The following IGF2BP2 variants were observed in gnomAD, a reference collection of about 807,000 sequenced individuals.
The protein encoded by IGF2BP2 is insulin like growth factor 2 mRNA binding protein 2.
In IGF2BP2, 17 loss-of-function variants were observed where a neutral mutation model predicts 75.8. That is an observed-to-expected ratio of 0.22 (90% CI 0.15 to 0.34). IGF2BP2 has a LOEUF of 0.34. IGF2BP2 is among the 10% of genes least tolerant of loss of function. The probability of loss-of-function intolerance (pLI) is 1.00; values close to 1 mark genes in which losing one functional copy is unlikely to be tolerated. For missense variants in IGF2BP2, 516 were observed against 772.4 expected, an observed-to-expected ratio of 0.67 and a Z score of 3.93; for synonymous variants, 288 against 295.6, an observed-to-expected ratio of 0.97 and a Z score of 0.26.
rs1715772409 is a variant in IGF2BP2, at chr3:185,658,206, G to A, written c.1269+135C>T. The stretch of plus-strand genomic sequence containing the variant: ...GGAGTTTGGCGTGCTCAGGCTTTGA[G>A]GTGTGTCACTCCCAGGACAAACCAG... On this transcript the variant is annotated intron_variant, in intron 11 of 15. Coordinates refer to ENST00000382199, the MANE Select transcript of IGF2BP2 (RefSeq NM_006548.6). 3 of 846,626 alleles carry A rather than the reference G, an allele frequency of 3.5e-6. No homozygotes were observed. In the Admixed American group the frequency reaches 5.9e-5, roughly 17 times the overall value. 52.4% of individuals were successfully genotyped at this position (846,626 alleles called of 1,614,324 possible). A position where few individuals can be genotyped will look rare whatever the true frequency, so the allele number is the denominator to read the frequency against.
At chr3:185,824,377 G>GAAGGGGGGACCCTGACA (rs1741765701) in intron 1 of IGF2BP2, among the ~76,000 whole-genome samples, 1 of 149,672 alleles carries the variant, frequency 6.7e-6, no homozygotes, top group Admixed American at 6.7e-5. Context: ...TGGATTTGGG[G>GAAGGGGGGACCCTGACA]AAGGGGGGAC....
At chr3:185,721,040 A>G (rs571204816) in intron 2 of IGF2BP2, among the ~76,000 whole-genome samples, 1 of 152,344 alleles carries the variant, frequency 6.6e-6, no homozygotes, top group Non-Finnish European at 1.5e-5. Flanking sequence ...GATGTCAGGA[A>G]GCACTCATAA....
At chr3:185,754,363 C>A (rs748022378) in intron 2 of IGF2BP2, among the ~76,000 whole-genome samples, 1 of 152,114 alleles carries the variant, frequency 6.6e-6, no homozygotes. Flanking sequence ...ACCACGATTT[C>A]TGTACAGACT....
intron 6 of IGF2BP2, among the ~76,000 whole-genome samples, chr3:185,687,641 T>C (rs979078481): frequency 3.3e-5 from 5 of 152,214 alleles, no homozygotes; most frequent in Admixed American, 6.5e-5. Flanking sequence ...GCTTTATATA[T>C]TTGAGTGTGG....
At chr3:185,790,027 C>A (rs530825250) in intron 2 of IGF2BP2, among the ~76,000 whole-genome samples, 1 of 152,276 alleles carries the variant, frequency 6.6e-6, no homozygotes, top group Middle Eastern at 3.4e-3. Flanking sequence ...AGCCACTGTG[C>A]CCAGCTGCAA....
chr3:185,667,068 C>T (rs186729037), intron 10 of IGF2BP2, among the ~76,000 whole-genome samples: 52 of 152,098 alleles, frequency 3.4e-4, no homozygotes, highest in East Asian at 1.2e-3. Flanking sequence ...CAGAGACAAA[C>T]GGAAGGGAAT....
intron 2 of IGF2BP2, among the ~76,000 whole-genome samples, chr3:185,739,806 A>C (rs1289996254): frequency 3.3e-5 from 5 of 152,222 alleles, no homozygotes; most frequent in Non-Finnish European, 4.4e-5. Flanking sequence ...ATCTTTATTA[A>C]AAATAAATAT....
intron 2 of IGF2BP2, among the ~76,000 whole-genome samples, chr3:185,821,615 CAACT>C (rs1277967446): frequency 2.0e-5 from 3 of 151,844 alleles, no homozygotes; most frequent in African/African-American, 7.3e-5. Context: ...AATGAGACAC[CAACT>C]AAGATAAAAT....
intron 2 of IGF2BP2, among the ~76,000 whole-genome samples, chr3:185,759,361 T>C (rs913708957): frequency 2.0e-5 from 3 of 152,210 alleles, no homozygotes; most frequent in Non-Finnish European, 4.4e-5. Context: ...GTGCATAGAT[T>C]AGTTGAATGT....
chr3:185,788,547 A>ATTC, intron 2 of IGF2BP2, among the ~76,000 whole-genome samples: 1 of 152,184 alleles, frequency 6.6e-6, no homozygotes, highest in East Asian at 1.9e-4. Context: ...GTATGTTTCA[A>ATTC]TGCCTTGATA....
intron 2 of IGF2BP2, among the ~76,000 whole-genome samples, chr3:185,799,433 CAGTT>C (rs1455894645): frequency 2.0e-5 from 3 of 151,842 alleles, no homozygotes; most frequent in African/African-American, 7.3e-5. Flanking sequence ...CATCTCACGC[CAGTT>C]AGAATGGTGA....
At chr3:185,768,136 G>A (rs1255631888) in intron 2 of IGF2BP2, among the ~76,000 whole-genome samples, 1 of 152,288 alleles carries the variant, frequency 6.6e-6, no homozygotes, top group East Asian at 1.9e-4. Flanking sequence ...ATGATTGAGG[G>A]AAAAGAGACA....
chr3:185,797,625 C>T (rs1194339663), intron 2 of IGF2BP2, among the ~76,000 whole-genome samples: 2 of 152,126 alleles, frequency 1.3e-5, no homozygotes, highest in Non-Finnish European at 2.9e-5. Flanking sequence ...TTTCACAGGC[C>T]AGGAGCAGTG....
chr3:185,665,206 A>G (rs1360485170), intron 10 of IGF2BP2, among the ~76,000 whole-genome samples: 3 of 145,566 alleles, frequency 2.1e-5, no homozygotes, highest in Non-Finnish European at 3.0e-5. Context: ...GAAGGAGAAG[A>G]AGGAGAAGGA....
intron 2 of IGF2BP2, among the ~76,000 whole-genome samples, chr3:185,771,126 G>C (rs544028860): frequency 2.0e-5 from 3 of 152,212 alleles, no homozygotes; most frequent in African/African-American, 7.2e-5. Context: ...GAGGGACAAG[G>C]AGGCCTACAA....
At chr3:185,716,348 T>C (rs186878867) in intron 2 of IGF2BP2, 8 of 418,014 alleles carry the variant, frequency 1.9e-5, no homozygotes, top group African/African-American at 1.6e-4. Flanking sequence ...CGTAACTGAT[T>C]TGCCTTTTGG....
intron 2 of IGF2BP2, among the ~76,000 whole-genome samples, chr3:185,733,487 T>C (rs1411629552): frequency 1.3e-5 from 2 of 152,188 alleles, no homozygotes; most frequent in African/African-American, 2.4e-5. Flanking sequence ...CTGGGCGCGG[T>C]GGCTCACGCC....
In IGF2BP2 at chr3:185,652,113, G is replaced by A. The variant is rs777528042; in HGVS notation, c.1442C>T (p.Pro481Leu). The stretch of plus-strand genomic sequence containing the variant: ...ACTAACCTTGAACTGGGCTTCCGGT[G>A]GCCCGGTGATGATGACCATCCTTTC... ...VSERMVIITGPPEAQFKAQGR... is the reference protein window; with the variant it reads ...VSERMVIITGLPEAQFKAQGR... Residue 481 changes from proline (P) to leucine (L), a missense_variant, in exon 13 of 16, where the codon CCA becomes CTA. By Grantham distance (98) the Pro-to-Leu change is moderately conservative (BLOSUM62 -3). This residue lies in a region of IGF2BP2 where 129 missense variants were observed against 230.5 expected (regional missense o/e 0.56). Transcript: ENST00000382199. 1.2e-6 allele frequency: 2 copies of A among 1,612,880 alleles called. No homozygotes were observed. The highest frequency in any genetic ancestry group is 1.1e-5 in the South Asian group (1 of 90,800).
intron 2 of IGF2BP2, among the ~76,000 whole-genome samples, chr3:185,773,870 C>T (rs1032145043): frequency 1.3e-5 from 2 of 152,190 alleles, no homozygotes; most frequent in African/African-American, 4.8e-5. Flanking sequence ...CCTTGTGCCA[C>T]ATTTTTAACG....
Sources: allele counts gnomAD v4.1 joint callset (sites outside exome capture counted in the v4.1 genomes callset), GRCh38; gene constraint gnomAD v4.1.1; regional missense constraint gnomAD v4.1.1; transcripts MANE v1.5; gene names NCBI Gene and HGNC (gene_info 2026-07-23, HGNC 2026-07-21).